The following MYDGF variants were observed in gnomAD, a reference collection of about 807,000 sequenced individuals.
MYDGF encodes myeloid derived growth factor, also known as myeloid-derived growth factor.
In MYDGF, 29 loss-of-function variants were observed where a neutral mutation model predicts 24.2. That is an observed-to-expected ratio of 1.20 (90% CI 0.89 to 1.63). MYDGF has a LOEUF of 1.63. Ranked by LOEUF, MYDGF falls within the 40% of genes most tolerant of loss-of-function variation. The pLI is 0.00. For missense variants in MYDGF, 245 were observed against 234.8 expected (o/e 1.04, Z -0.29); for synonymous variants, 105 against 102.5 (o/e 1.02, Z -0.15).
At chr19:4,666,799 C>T (rs2088524907) in intron 2 of MYDGF, among the ~76,000 whole-genome samples, 1 of 152,142 alleles carries the variant, frequency 6.6e-6, no homozygotes, top group African/African-American at 2.4e-5. Context: ...GCACCGGTGG[C>T]TCACACCTGT....
chr19:4,666,725 A>T (rs2088524357), intron 2 of MYDGF, among the ~76,000 whole-genome samples: 1 of 151,994 alleles, frequency 6.6e-6, no homozygotes, highest in Admixed American at 6.6e-5. Flanking sequence ...GGGATTGTCA[A>T]CTCCACACGT....
chr19:4,666,572 A>T (rs1346421186), intron 2 of MYDGF, among the ~76,000 whole-genome samples: 1 of 148,784 alleles, frequency 6.7e-6, no homozygotes, highest in Non-Finnish European at 1.5e-5. Context: ...CACCGCGCCC[A>T]GCCCAGTTTT....
At chr19:4,661,019 TG>T (rs2088466528) in intron 3 of MYDGF, among the ~76,000 whole-genome samples, 1 of 148,606 alleles carries the variant, frequency 6.7e-6, no homozygotes, top group Non-Finnish European at 1.5e-5. Flanking sequence ...CCAGGCTGGA[TG>T]GCAATGGCAC....
intron 4 of MYDGF, 31 bp from the exon 5 acceptor site, chr19:4,660,034 G>GGCC (rs766673878): frequency 6.3e-7 from 1 of 1,586,632 alleles, no homozygotes; most frequent in African/African-American, 1.3e-5. Context: ...ACTTTACCAG[G>GGCC]GCCAGTTCAA....
chr19:4,670,238 A>C lies in MYDGF; in HGVS notation c.97T>G (p.Ser33Ala). ...TCAAACGCCACCGTCGTGGGCTCGG[A>C]CACCGCCTCCGCCGGCCTCAGCGCC... ...AVALRPAEAV[S>A]EPTTVAFDVR... Residue 33 changes from serine to alanine, a missense_variant, in exon 1 of 6, where the codon TCC becomes GCC. Ser to Ala is a moderately conservative substitution (Grantham distance 99). Transcript: ENST00000262947. 6.4e-7 allele frequency: 1 copy of C among 1,568,960 alleles called. No individual in the cohort carries two copies. Among genetic ancestry groups the C allele is most frequent in the Non-Finnish European group, 8.6e-7 (1 of 1,160,648 alleles).
chr19:4,664,741 C>T (rs779918018), intron 3 of MYDGF, 135 bp downstream of exon 3: 33 of 947,640 alleles, frequency 3.5e-5, no homozygotes, highest in Non-Finnish European at 4.7e-5. Flanking sequence ...CCCACCTGCA[C>T]GTGCATGAGT....
At chr19:4,663,865 C>A (rs974410971) in intron 3 of MYDGF, among the ~76,000 whole-genome samples, 6 of 147,494 alleles carry the variant, frequency 4.1e-5, no homozygotes, top group Non-Finnish European at 9.0e-5. Flanking sequence ...CTGCGCCCCA[C>A]CCCCAACCCC....
rs1172961589 is a variant in MYDGF, at chr19:4,664,941, G to A, written c.226-4C>T. The A allele has an allele frequency of 1.9e-6, 3 of 1,612,594 alleles. No homozygotes were observed. The highest frequency in any genetic ancestry group is 2.5e-6 in the Non-Finnish European group (3 of 1,179,704). Reference sequence around the variant, plus strand: ...TCCCCAGACTCATCTGCCATTGCTGGGGAGAGAAGACAGCGCGGGTCAGCC... The same window carrying A: ...TCCCCAGACTCATCTGCCATTGCTGAGGAGAGAAGACAGCGCGGGTCAGCC... On this transcript the variant is annotated splice_region_variant and splice_polypyrimidine_tract_variant and intron_variant, in intron 2 of 5. Coordinates refer to ENST00000262947, the MANE Select transcript of MYDGF (RefSeq NM_019107.4).
chr19:4,669,137 T>C (rs1360172386), intron 1 of MYDGF, among the ~76,000 whole-genome samples: 2 of 152,152 alleles, frequency 1.3e-5, no homozygotes, highest in East Asian at 3.8e-4. Context: ...AACTTGGGCC[T>C]AACATATAAA....
chr19:4,669,718 T>G (rs938005256), intron 1 of MYDGF, among the ~76,000 whole-genome samples: 3 of 151,998 alleles, frequency 2.0e-5, no homozygotes, highest in Non-Finnish European at 4.4e-5. Context: ...ACACCCTCGG[T>G]GAGGGGGGAC....
chr19:4,667,630 C>T (rs538193566), intron 2 of MYDGF, among the ~76,000 whole-genome samples: 27 of 152,234 alleles, frequency 1.8e-4, no homozygotes, highest in African/African-American at 5.8e-4. Context: ...GCAAGGAAAC[C>T]GGGACCTTGG....
chr19:4,660,806 T>G (rs1277420908), intron 3 of MYDGF, 56 bp from the exon 4 acceptor site: 1 of 1,520,996 alleles, frequency 6.6e-7, no homozygotes, highest in Non-Finnish European at 9.0e-7. Context: ...TCTGGGTCTG[T>G]GTGCCCTGGA....
At chr19:4,668,724 C>T in intron 1 of MYDGF, 79 bp from the exon 2 acceptor site, 1 of 1,269,964 alleles carries the variant, frequency 7.9e-7, no homozygotes. Context: ...TGCTGTCACC[C>T]AAGCTGGAGT....
In MYDGF at chr19:4,670,228, G is replaced by A. The variant is rs151144686; in HGVS notation, c.107C>T (p.Thr36Met). The A allele has an allele frequency of 2.5e-6, 4 of 1,569,648 alleles. No homozygotes were observed. Among genetic ancestry groups the A allele is most frequent in the African/African-American group, 2.8e-5 (2 of 71,208 alleles). The change falls in exon 1 of 6, where the codon ACG (threonine) becomes ATG (methionine). Residue 36 changes from threonine (T) to methionine (M), a missense_variant. Physicochemically the swap from Thr to Met is moderately conservative, Grantham distance 81 (BLOSUM62 -1). Transcript: ENST00000262947. The stretch of plus-strand genomic sequence containing the variant: ...GGGCCGCACGTCAAACGCCACCGTC[G>A]TGGGCTCGGACACCGCCTCCGCCGG... ...LRPAEAVSEP[T>M]TVAFDVRPGG...
intron 3 of MYDGF, among the ~76,000 whole-genome samples, chr19:4,662,742 C>T (rs2088480418): frequency 6.6e-6 from 1 of 152,032 alleles, no homozygotes. Flanking sequence ...CTGGTAAAGA[C>T]CTGCCTGAGG....
intron 5 of MYDGF, 55 bp from the exon 6 acceptor site, chr19:4,658,139 C>T (rs117167880): frequency 0.016 from 24,448 of 1,520,954 alleles, 241 homozygotes; most frequent in Non-Finnish European, 0.019. Context: ...CTCAGAAGTC[C>T]GGAGGATTTG....
At chr19:4,664,596 G>A (rs565873090) in intron 3 of MYDGF, among the ~76,000 whole-genome samples, 4 of 151,868 alleles carry the variant, frequency 2.6e-5, no homozygotes, top group East Asian at 3.9e-4. Flanking sequence ...TCCACGCTCC[G>A]CACCCTCTGA....
chr19:4,669,156 C>T (rs2088543463), intron 1 of MYDGF, among the ~76,000 whole-genome samples: 1 of 152,138 alleles, frequency 6.6e-6, no homozygotes, highest in African/African-American at 2.4e-5. Context: ...AAGGACTTGG[C>T]ATCACACCTA....
At chr19:4,666,443 C>T (rs1179781435) in intron 2 of MYDGF, among the ~76,000 whole-genome samples, 1 of 151,860 alleles carries the variant, frequency 6.6e-6, no homozygotes, top group Non-Finnish European at 1.5e-5. Flanking sequence ...GCCCTGCTAA[C>T]TTTTGTATTT....
Sources: allele counts gnomAD v4.1 joint callset (sites outside exome capture counted in the v4.1 genomes callset), GRCh38; gene constraint gnomAD v4.1.1; transcripts MANE v1.5; gene names NCBI Gene and HGNC (gene_info 2026-07-23, HGNC 2026-07-21).